Variants in LRRC40 observed in about 807,000 individuals in gnomAD.
LRRC40 encodes the protein leucine rich repeat containing 40, also known as leucine-rich repeat-containing protein 40.
In LRRC40, 76 loss-of-function variants were observed where a neutral mutation model predicts 72.8. The ratio of observed to expected loss-of-function variants is 1.04; its 90% CI spans 0.87 to 1.26. The LOEUF (loss-of-function observed/expected upper bound fraction) is 1.26. Among genes scored for constraint, LRRC40 ranks in the 50% most tolerant of loss-of-function variants. LRRC40 has a pLI of 0.00. For missense variants in LRRC40, 684 were observed against 698.9 expected (o/e 0.98, Z 0.24); for synonymous variants, 243 against 254.2 (o/e 0.96, Z 0.42).
chr1:70,153,972 CAAA>C (rs1042976831), intron 11 of LRRC40, among the ~76,000 whole-genome samples: 6 of 58,196 alleles, frequency 1.0e-4, no homozygotes, highest in Non-Finnish European at 1.7e-4. Context: ...GATCCTGTCT[CAAA>C]AAAAAAAAAA....
chr1:70,175,890 G>T lies in LRRC40; in HGVS notation c.897C>A (p.Asn299Lys). The change falls in exon 7 of 15, where the codon AAC becomes AAA. Residue 299 changes from asparagine to lysine, a missense_variant. Asn to Lys is a moderately conservative substitution (Grantham distance 94). Coordinates refer to ENST00000370952, the MANE Select transcript of LRRC40 (RefSeq NM_017768.5). ...TTTCATCTGGAACAGATTTTAACTTGTTATCCCTCAGGTCTAGCACAAGAA... is the reference window on the plus strand; with the variant it reads ...TTTCATCTGGAACAGATTTTAACTTTTTATCCCTCAGGTCTAGCACAAGAA... ...NSILVLDLRD[N>K]KLKSVPDEII... 1 of 1,602,922 alleles carries T rather than the reference G, an allele frequency of 6.2e-7. No individual in the cohort carries two copies. The highest frequency in any genetic ancestry group is 1.7e-5 in the Admixed American group (1 of 57,584).
chr1:70,200,510 T>C (rs959635619), intron 1 of LRRC40, among the ~76,000 whole-genome samples: 7 of 152,112 alleles, frequency 4.6e-5, no homozygotes, highest in African/African-American at 9.7e-5. Context: ...AATATGACTA[T>C]GTAAATGTGA....
chr1:70,198,195 C>G (rs185282034), intron 1 of LRRC40, among the ~76,000 whole-genome samples: 1 of 152,302 alleles, frequency 6.6e-6, no homozygotes, highest in East Asian at 1.9e-4. Context: ...CAAATAAAAG[C>G]TAACCAAACT....
Position 70,175,970 on chromosome 1 carries a change from C to A in LRRC40, c.817G>T (p.Gly273Cys). ...TCTAACATTTCAATCTGGTTTTCAC[C>A]TACGTGCAATTCCTACAAAATCAAA... ...SCSLLKELHV[G>C]ENQIEMLEAE... Residue 273 changes from glycine (G) to cysteine (C), a missense_variant, in exon 7 of 15, where the codon GGT (glycine) becomes TGT (cysteine). Physicochemically the swap from Gly to Cys is radical, Grantham distance 159 (BLOSUM62 -3). Transcript: ENST00000370952. The A allele has an allele frequency of 6.4e-7, 1 of 1,566,090 alleles. No homozygotes were observed. Among genetic ancestry groups the A allele is most frequent in the South Asian group, 1.2e-5 (1 of 81,954 alleles).
intron 14 of LRRC40, among the ~76,000 whole-genome samples, chr1:70,147,561 C>T (rs1254526243): frequency 2.0e-5 from 3 of 152,116 alleles, no homozygotes; most frequent in African/African-American, 4.8e-5. Context: ...TGACTAGACT[C>T]TTGCAAGAAC....
At chr1:70,193,685 G>T (rs548391797) in intron 1 of LRRC40, among the ~76,000 whole-genome samples, 4 of 151,968 alleles carry the variant, frequency 2.6e-5, no homozygotes, top group Admixed American at 2.0e-4. Flanking sequence ...ACAGGCCAAT[G>T]TATCTAATGA....
At chr1:70,195,184 T>G (rs1668581231) in intron 1 of LRRC40, among the ~76,000 whole-genome samples, 1 of 151,952 alleles carries the variant, frequency 6.6e-6, no homozygotes, top group African/African-American at 2.4e-5. Context: ...AAAAAGTTCA[T>G]CATAAAAGAA....
At chr1:70,190,674 C>T (rs1227276817) in intron 1 of LRRC40, among the ~76,000 whole-genome samples, 1 of 20,360 alleles carries the variant, frequency 4.9e-5, no homozygotes, top group African/African-American at 6.6e-4. Context: ...GAGACCCTGT[C>T]TCTAAAAAAA....
chr1:70,202,412 T>C lies in LRRC40; in HGVS notation c.151+2978A>G, dbSNP rs576637972. On this transcript the variant is annotated intron_variant, in intron 1 of 14. Transcript: ENST00000370952. Reference sequence around the variant, plus strand: ...GGATGAACCTTAAATGCATACTGATTAGTTAAAAAATCAGTTTGAAAACGT... The same window carrying C: ...GGATGAACCTTAAATGCATACTGATCAGTTAAAAAATCAGTTTGAAAACGT... Among the ~76,000 whole-genome samples, 29 of 152,242 alleles carry C rather than the reference T, an allele frequency of 1.9e-4. No individual in the cohort carries two copies. In the South Asian group the frequency reaches 5.6e-3, roughly 29 times the overall value.
chr1:70,186,965 G>A (rs1668374140), intron 3 of LRRC40, among the ~76,000 whole-genome samples: 1 of 150,272 alleles, frequency 6.7e-6, no homozygotes, highest in South Asian at 2.1e-4. Flanking sequence ...CATCAACAAA[G>A]AGGTTTACTA....
chr1:70,176,043 A>T, intron 6 of LRRC40, 61 bp from the exon 7 acceptor site: 1 of 1,040,560 alleles, frequency 9.6e-7, no homozygotes, highest in Non-Finnish European at 1.3e-6. Context: ...AGATAATGAA[A>T]ATAAAATTGT....
intron 2 of LRRC40, among the ~76,000 whole-genome samples, chr1:70,188,188 T>C (rs1668410053): frequency 6.6e-6 from 1 of 152,156 alleles, no homozygotes; most frequent in Non-Finnish European, 1.5e-5. Flanking sequence ...CTATTTAGAT[T>C]CTACTTTTCA....
chr1:70,163,914 C>A (rs1238608137), intron 9 of LRRC40, among the ~76,000 whole-genome samples: 1 of 152,160 alleles, frequency 6.6e-6, no homozygotes, highest in Non-Finnish European at 1.5e-5. Context: ...CAAGATACCA[C>A]AAACTGGGTA....
chr1:70,149,981 C>T lies in LRRC40; in HGVS notation c.1517+1147G>A, dbSNP rs372672933. ...TGTCGCCTAGGCTGGAGTGCAGTGACGCAATCCTGGATCACTGCAACCTCT... is the reference window on the plus strand; with the variant it reads ...TGTCGCCTAGGCTGGAGTGCAGTGATGCAATCCTGGATCACTGCAACCTCT... On this transcript the variant is annotated intron_variant, in intron 13 of 14. Coordinates refer to ENST00000370952, the MANE Select transcript of LRRC40 (RefSeq NM_017768.5). Among the ~76,000 whole-genome samples the T allele has an allele frequency of 1.2e-3, 178 of 152,076 alleles. 1 individual carries two copies. The highest frequency in any genetic ancestry group is 4.2e-3 in the African/African-American group (174 of 41,470).
chr1:70,162,351 G>C (rs1667784360), intron 9 of LRRC40, among the ~76,000 whole-genome samples: 3 of 152,006 alleles, frequency 2.0e-5, no homozygotes, highest in Admixed American at 2.0e-4. Flanking sequence ...ATCTGAGAGG[G>C]ACAGAGGCAT....
At chr1:70,188,461 T>G (rs2100328284) in intron 2 of LRRC40, among the ~76,000 whole-genome samples, 1 of 152,148 alleles carries the variant, frequency 6.6e-6, no homozygotes, top group African/African-American at 2.4e-5. Context: ...ATAGGCCAGG[T>G]GCAGTAGCTC....
At chr1:70,198,889 G>C (rs1212351046) in intron 1 of LRRC40, among the ~76,000 whole-genome samples, 3 of 152,124 alleles carry the variant, frequency 2.0e-5, no homozygotes, top group Non-Finnish European at 2.9e-5. Flanking sequence ...AACAGTTCAT[G>C]CCTGTAATCC....
rs754541538 is a variant in LRRC40, at chr1:70,148,540, T to C, written c.1650A>G (p.Gln550=). The change falls in exon 14 of 15, where the codon CAA becomes CAG. Residue 550 remains glutamine, a synonymous_variant. Transcript: ENST00000370952. ...GTGGAATTTGTAAGAGGTCATTATT[T>C]TGAAGGTCCAACGTGGTCAGATTTT... ...MMENLTTLDL[Q]NNDLLQIPPE... The C allele has an allele frequency of 8.7e-6, 14 of 1,613,574 alleles. No individual in the cohort carries two copies. The highest frequency in any genetic ancestry group is 1.1e-5 in the Non-Finnish European group (13 of 1,179,738).
intron 13 of LRRC40, 65 bp from the exon 14 acceptor site, chr1:70,148,737 T>C (rs1181893968): frequency 1.0e-5 from 10 of 983,704 alleles, no homozygotes; most frequent in Non-Finnish European, 1.5e-5. Flanking sequence ...CCTTAAAACA[T>C]ATTATCTTAA....
Sources: gnomAD v4.1 joint callset for allele counts (sites outside exome capture counted in the v4.1 genomes callset) on GRCh38, gnomAD v4.1.1 for gene constraint, MANE v1.5 for transcripts, NCBI Gene and HGNC (gene_info 2026-07-23, HGNC 2026-07-21) for gene names.